Variants in DGKD observed in about 807,000 individuals in gnomAD.
DGKD encodes DAG kinase delta.
In DGKD, 68 loss-of-function variants were observed where a neutral mutation model predicts 154.4. That is an observed-to-expected ratio of 0.44 (90% CI 0.36 to 0.54). The LOEUF (loss-of-function observed/expected upper bound fraction) is 0.54. DGKD is among the 20% of genes least tolerant of loss of function. The probability of loss-of-function intolerance (pLI) is 0.00; values close to 1 mark genes in which losing one functional copy is unlikely to be tolerated. For missense variants in DGKD, 1,343 were observed against 1,593.6 expected (o/e 0.84, Z 2.68); for synonymous variants, 693 against 638.0 (o/e 1.09, Z -1.30).
intron 27 of DGKD, among the ~76,000 whole-genome samples, chr2:233,465,276 TC>T (rs2063790376): frequency 1.3e-5 from 2 of 152,170 alleles, no homozygotes; most frequent in South Asian, 2.1e-4. Flanking sequence ...TCAACAGATG[TC>T]ACAGTGACAT....
Position 233,390,452 on chromosome 2 carries a change from C to G in DGKD, c.317C>G (p.Ser106Cys), listed in dbSNP as rs1575023684. 1.2e-6 allele frequency: 2 copies of G among 1,614,082 alleles called. No individual in the cohort carries two copies. The highest frequency in any genetic ancestry group is 2.7e-5 in the African/African-American group (2 of 75,038). ...CTGACAGATGCCAGCGTAGCTGAAT[C>G]CAGTACCAAAAACGTCAACAACAGT... Reference protein sequence around the residue: ...VDLTDASVAESSTKNVNNSFT... With the variant: ...VDLTDASVAECSTKNVNNSFT... The change falls in exon 3 of 30, where the codon TCC becomes TGC. Residue 106 changes from serine (S) to cysteine (C), a missense_variant. Transcript: ENST00000264057.
chr2:233,419,229 G>A (rs926678592), intron 3 of DGKD: 8 of 985,542 alleles, frequency 8.1e-6, no homozygotes, highest in South Asian at 4.7e-5. Flanking sequence ...CCCCAGCACC[G>A]TCCCTTTGCC....
In DGKD at chr2:233,449,016, A is replaced by G. The variant is rs2063178650; in HGVS notation, c.1615-87A>G. ...TTTTCCTTTTGATCGAGTTCTAGGA[A>G]GTCTGGGTGAAATGGCCTGAGGTTC... On this transcript the variant is annotated intron_variant, in intron 14 of 29. Transcript: ENST00000264057. The surrounding 1 kb of genome is among the most constrained non-coding windows in gnomAD (Gnocchi z 5.3). 6.8e-7 allele frequency: 1 copy of G among 1,462,524 alleles called. No individual in the cohort carries two copies. Among genetic ancestry groups the G allele is most frequent in the Non-Finnish European group, 9.1e-7 (1 of 1,095,154 alleles). The allele number at this position is 1,462,524 out of a possible 1,614,324, so 90.6% of individuals were successfully genotyped here. A position where few individuals can be genotyped will look rare whatever the true frequency, so the allele number is the denominator to read the frequency against.
Position 233,419,612 on chromosome 2 carries a change from T to C in DGKD, c.349-14768T>C, listed in dbSNP as rs146550561. 4.0e-3 allele frequency among the ~76,000 whole-genome samples: 604 copies of C among 152,294 alleles called. 4 individuals are homozygous for C. Among genetic ancestry groups the C allele is most frequent in the Non-Finnish European group, 4.5e-3 (306 of 68,024 alleles). ...AAGGTATAGGCTTTGTGGTGTGACT[T>C]TACTCATGTGCTAGAAACATTCTGT... On this transcript the variant is annotated intron_variant, in intron 3 of 29. Transcript: ENST00000264057.
At chr2:233,428,733 G>T (rs1386102030) in intron 3 of DGKD, among the ~76,000 whole-genome samples, 2 of 152,184 alleles carry the variant, frequency 1.3e-5, no homozygotes, top group African/African-American at 4.8e-5. Context: ...CCTGCAGGTT[G>T]CTTCTAGCAT....
intron 1 of DGKD, among the ~76,000 whole-genome samples, chr2:233,367,865 T>C (rs1702114151): frequency 6.7e-6 from 1 of 149,514 alleles, no homozygotes; most frequent in East Asian, 2.0e-4. Context: ...TTTTTTTTTT[T>C]TTTTTAATAG....
At chr2:233,394,011 A>G (rs773550442) in intron 3 of DGKD, among the ~76,000 whole-genome samples, 4 of 152,100 alleles carry the variant, frequency 2.6e-5, no homozygotes, top group Non-Finnish European at 4.4e-5. Context: ...CTTACGAAAT[A>G]TGTTGTTCAA....
At position 233,458,386 on chromosome 2, in the gene DGKD, C is replaced by T. The variant is rs760764866; in HGVS notation, c.2683C>T (p.Arg895Trp). The T allele has an allele frequency of 2.5e-6, 4 of 1,608,674 alleles. No individual in the cohort carries two copies. Among genetic ancestry groups the T allele is most frequent in the Non-Finnish European group, 2.5e-6 (3 of 1,179,142 alleles). ...VSRVIRLQHH[R>W]IAQCRTVKIS... Reference sequence around the variant, plus strand: ...TCGAGTCATCAGGCTACAGCATCATCGGATCGCCCAGGTAGTGGCCATGGT... The same window carrying T: ...TCGAGTCATCAGGCTACAGCATCATTGGATCGCCCAGGTAGTGGCCATGGT... Residue 895 changes from arginine to tryptophan, a missense_variant, in exon 22 of 30, where the codon CGG becomes TGG. Coordinates refer to ENST00000264057, the MANE Select transcript of DGKD (RefSeq NM_152879.3). This position sits in a 1 kb window ranked among gnomAD's most constrained non-coding sequence, Gnocchi z 6.6.
Position 233,469,606 on chromosome 2 carries a change from T to C in DGKD, c.*146T>C, listed in dbSNP as rs2063945400. 3 of 670,390 alleles carry C rather than the reference T, an allele frequency of 4.5e-6. No individual in the cohort carries two copies. Among genetic ancestry groups the C allele is most frequent in the Admixed American group, 5.3e-5 (2 of 37,892 alleles). 41.5% of individuals were successfully genotyped at this position (670,390 alleles called of 1,614,324 possible). ...CCCCTTCTCATGGTGCTACTTCCTC[T>C]GTCAGCTACAGAAAGCCTCCGTGAC... On this transcript the variant is annotated 3_prime_UTR_variant, in exon 30 of 30. Transcript: ENST00000264057.
rs912014617 is a variant in DGKD at position 233,371,284 on chromosome 2, C to G, written c.156+16610C>G. Among the ~76,000 whole-genome samples, 4 of 151,928 alleles carry G rather than the reference C, an allele frequency of 2.6e-5. No individual in the cohort carries two copies. In the South Asian group the frequency reaches 8.3e-4, roughly 31 times the overall value. On this transcript the variant is annotated intron_variant, in intron 1 of 29. Transcript: ENST00000264057. ...TTAAGAATATTATATTATTCAGTTC[C>G]TCAATGACTAACAATGTTGAGCATC...
Position 233,469,394 on chromosome 2 carries a change from C to T in DGKD, c.3579C>T (p.Gly1193=), listed in dbSNP as rs2063932125. ...AGGACCTGGGCGTGACCAAGGTGGG[C>T]CACATGAAGAGGATCCTGTGTGGCA... ...DLKDLGVTKV[G]HMKRILCGIK... Residue 1193 remains glycine, a synonymous_variant, in exon 30 of 30, where the codon GGC becomes GGT. Coordinates refer to ENST00000264057, the MANE Select transcript of DGKD (RefSeq NM_152879.3). The T allele has an allele frequency of 1.2e-6, 2 of 1,612,126 alleles. No individual in the cohort carries two copies. Among genetic ancestry groups the T allele is most frequent in the Non-Finnish European group, 1.7e-6 (2 of 1,179,312 alleles).
intron 3 of DGKD, among the ~76,000 whole-genome samples, chr2:233,409,995 C>CT (rs970006136): frequency 2.6e-5 from 4 of 151,628 alleles, no homozygotes; most frequent in South Asian, 2.1e-4. Flanking sequence ...TTTTCTTTTT[C>CT]TTTTTTTTAA....
In DGKD at chr2:233,469,635, G is replaced by A. The variant is rs1373578855; in HGVS notation, c.*175G>A. On this transcript the variant is annotated 3_prime_UTR_variant, in exon 30 of 30. Transcript: ENST00000264057. The stretch of plus-strand genomic sequence containing the variant: ...AGCTACAGAAAGCCTCCGTGACACC[G>A]TCCACCAGAGCTCTGGGGTCTCGAA... 12 of 605,330 alleles carry A rather than the reference G, an allele frequency of 2.0e-5. No individual in the cohort carries two copies. Among genetic ancestry groups the A allele is most frequent in the African/African-American group, 5.6e-5 (3 of 54,050 alleles). 37.5% of individuals were successfully genotyped at this position (605,330 alleles called of 1,614,324 possible).
intron 3 of DGKD, among the ~76,000 whole-genome samples, chr2:233,402,023 C>T (rs2061573312): frequency 6.6e-6 from 1 of 151,774 alleles, no homozygotes; most frequent in South Asian, 2.1e-4. Flanking sequence ...CATGTGCCCT[C>T]CCAGCCTGGC....
Position 233,422,428 on chromosome 2 carries a change from C to G in DGKD, c.349-11952C>G, listed in dbSNP as rs139565136. 3.6e-3 allele frequency among the ~76,000 whole-genome samples: 543 copies of G among 152,346 alleles called. 6 individuals carry two copies. Among genetic ancestry groups the G allele is most frequent in the African/African-American group, 0.012 (519 of 41,580 alleles). On this transcript the variant is annotated intron_variant, in intron 3 of 29. Coordinates refer to ENST00000264057, the MANE Select transcript of DGKD (RefSeq NM_152879.3). ...ACCGGAGGGCGTGGTCCATGACACT[C>G]CTGCGTGTGCTTGGACTCAGGCGCA...
intron 1 of DGKD, among the ~76,000 whole-genome samples, chr2:233,378,102 C>T (rs1175361327): frequency 1.3e-5 from 2 of 150,840 alleles, no homozygotes; most frequent in African/African-American, 2.5e-5. Flanking sequence ...CCACCACGCC[C>T]AGCTATTTTT....
At position 233,454,556 on chromosome 2, in the gene DGKD, TA is replaced by T. The variant is rs2063394857; in HGVS notation, c.2265-204del. On this transcript the variant is annotated intron_variant, in intron 18 of 29. Coordinates refer to ENST00000264057, the MANE Select transcript of DGKD (RefSeq NM_152879.3). ...CTAAAATCGATTATCTAGTGATGGT[TA>T]AATGACTCTGAATATACTAAAAATA... 3 of 556,960 alleles carry T rather than the reference TA, an allele frequency of 5.4e-6. No homozygotes were observed. The East Asian group carries it at 1.0e-4, about 19-fold the overall frequency. The allele number at this position is 556,960 out of a possible 1,614,324, so 34.5% of individuals were successfully genotyped here.
intron 3 of DGKD, among the ~76,000 whole-genome samples, chr2:233,393,303 C>G (rs55893802): frequency 6.7e-6 from 1 of 148,298 alleles, no homozygotes; most frequent in Non-Finnish European, 1.5e-5. Flanking sequence ...GCTGGGATTA[C>G]AGGTGTGAGC....
At chr2:233,356,071 A>T (rs1298997780) in intron 1 of DGKD, among the ~76,000 whole-genome samples, 1 of 152,194 alleles carries the variant, frequency 6.6e-6, no homozygotes, top group Non-Finnish European at 1.5e-5. Context: ...ACAACATTGT[A>T]AGTGCCGCGG....
Sources: gnomAD v4.1 joint callset for allele counts (sites outside exome capture counted in the v4.1 genomes callset) on GRCh38, gnomAD v4.1.1 for gene constraint, Gnocchi (gnomAD v3.1) non-coding constraint, MANE v1.5 for transcripts, NCBI Gene and HGNC (gene_info 2026-07-23, HGNC 2026-07-21) for gene names.